The following THEMIS variants were observed in gnomAD, a reference collection of about 807,000 sequenced individuals.
THEMIS encodes protein THEMIS.
In THEMIS, 37 loss-of-function variants were observed where a neutral mutation model predicts 52.6. The ratio of observed to expected loss-of-function variants is 0.70; its 90% CI spans 0.54 to 0.93. THEMIS has a LOEUF of 0.93. Among genes scored for constraint, THEMIS ranks in the 40% least tolerant of loss-of-function variants. The pLI is 0.00. For missense variants in THEMIS, 808 were observed against 763.1 expected (o/e 1.06, Z -0.69); for synonymous variants, 292 against 272.7 (o/e 1.07, Z -0.70).
chr6:127,789,827 C>T (rs935990886), intron 4 of THEMIS, among the ~76,000 whole-genome samples: 2 of 152,128 alleles, frequency 1.3e-5, no homozygotes, highest in African/African-American at 4.8e-5. Context: ...AACTCAACAC[C>T]CCTTCATGCT....
intron 4 of THEMIS, among the ~76,000 whole-genome samples, chr6:127,764,437 A>G (rs560533059): frequency 1.2e-4 from 19 of 152,044 alleles, no homozygotes; most frequent in Non-Finnish European, 2.6e-4. Context: ...GCAGACTCCT[A>G]TAATCAATAA....
At chr6:127,861,820 GA>G (rs1004086529) in intron 1 of THEMIS, among the ~76,000 whole-genome samples, 8 of 132,228 alleles carry the variant, frequency 6.1e-5, no homozygotes, top group South Asian at 2.5e-4. Flanking sequence ...AGAAAGAAAA[GA>G]AAAAAAAGAA....
chr6:127,848,555 T>C (rs988186789), intron 2 of THEMIS, among the ~76,000 whole-genome samples: 5 of 151,718 alleles, frequency 3.3e-5, no homozygotes, highest in Non-Finnish European at 7.4e-5. Flanking sequence ...TGTAAAAGTG[T>C]TCCTATTTCT....
At chr6:127,792,352 G>T (rs904345794) in intron 4 of THEMIS, among the ~76,000 whole-genome samples, 3 of 152,190 alleles carry the variant, frequency 2.0e-5, no homozygotes, top group African/African-American at 4.8e-5. Flanking sequence ...AGACAGGACG[G>T]CCAAGACACT....
intron 5 of THEMIS, among the ~76,000 whole-genome samples, chr6:127,714,991 G>C (rs957458826): frequency 4.0e-5 from 6 of 151,856 alleles, no homozygotes; most frequent in Non-Finnish European, 7.4e-5. Context: ...AAGAAGAGGG[G>C]CCAGGTTGTC....
At chr6:127,751,483 A>G (rs1215897775) in intron 4 of THEMIS, among the ~76,000 whole-genome samples, 1 of 151,764 alleles carries the variant, frequency 6.6e-6, no homozygotes, top group Non-Finnish European at 1.5e-5. Context: ...GTAATCAAAG[A>G]AAGATATTCC....
rs528118371 is a variant in THEMIS, at chr6:127,849,602, C to T, written c.250+5428G>A. ...AAAAATAAAGCCACATACTTACAGT[C>T]AGGTGATCATCAACAAAGCATACAA... On this transcript the variant is annotated intron_variant, in intron 2 of 5. Coordinates refer to ENST00000368248, the MANE Select transcript of THEMIS (RefSeq NM_001010923.3). Among the ~76,000 whole-genome samples the T allele has an allele frequency of 2.6e-5, 4 of 151,942 alleles. No homozygotes were observed. The South Asian group carries it at 8.3e-4, about 32-fold the overall frequency.
chr6:127,734,490 T>G (rs909052946), intron 4 of THEMIS, among the ~76,000 whole-genome samples: 1 of 152,158 alleles, frequency 6.6e-6, no homozygotes, highest in Non-Finnish European at 1.5e-5. Flanking sequence ...TTGCTTTTTG[T>G]GTATTCTTGA....
At chr6:127,889,549 G>A (rs535735857) in intron 1 of THEMIS, among the ~76,000 whole-genome samples, 1 of 152,104 alleles carries the variant, frequency 6.6e-6, no homozygotes, top group African/African-American at 2.4e-5. Flanking sequence ...CAAGATATGA[G>A]GTTAAAGTGG....
chr6:127,848,024 C>T (rs1399255848), intron 2 of THEMIS, among the ~76,000 whole-genome samples: 1 of 150,458 alleles, frequency 6.6e-6, no homozygotes, highest in East Asian at 2.0e-4. Context: ...CCCATTAACT[C>T]GTCATTTAAC....
intron 4 of THEMIS, among the ~76,000 whole-genome samples, chr6:127,738,938 C>T (rs573477210): frequency 6.6e-6 from 1 of 152,268 alleles, no homozygotes; most frequent in East Asian, 1.9e-4. Flanking sequence ...TAGCCAATTA[C>T]CACAAACAGG....
chr6:127,770,779 C>T lies in THEMIS; in HGVS notation c.1758+42104G>A, dbSNP rs548492859. Among the ~76,000 whole-genome samples the T allele has an allele frequency of 2.6e-5, 4 of 152,234 alleles. No homozygotes were observed. The East Asian group carries it at 7.7e-4, about 29-fold the overall frequency. ...TCTAACATTTAAGTCTTTAATCCAT[C>T]TTGAATTAAATTTTGTATAAGGTAT... is the stretch of plus-strand genomic sequence containing the variant. On this transcript the variant is annotated intron_variant, in intron 4 of 5. Transcript: ENST00000368248.
At chr6:127,884,567 T>C (rs1780588169) in intron 1 of THEMIS, among the ~76,000 whole-genome samples, 1 of 151,908 alleles carries the variant, frequency 6.6e-6, no homozygotes, top group Non-Finnish European at 1.5e-5. Context: ...CAGAATATTC[T>C]ACCCAAAAGG....
chr6:127,808,521 A>G (rs1777795300), intron 4 of THEMIS, among the ~76,000 whole-genome samples: 1 of 152,214 alleles, frequency 6.6e-6, no homozygotes, highest in African/African-American at 2.4e-5. Context: ...TTATTTCTGC[A>G]TTATGTCATA....
chr6:127,823,164 C>T (rs1778397793), intron 3 of THEMIS, among the ~76,000 whole-genome samples: 1 of 152,022 alleles, frequency 6.6e-6, no homozygotes, highest in Non-Finnish European at 1.5e-5. Flanking sequence ...CCTCTGCTAG[C>T]TGCATGATAT....
chr6:127,824,301 T>C (rs1364682669), intron 3 of THEMIS, among the ~76,000 whole-genome samples: 2 of 152,070 alleles, frequency 1.3e-5, no homozygotes, highest in Non-Finnish European at 2.9e-5. Flanking sequence ...GGTGAGATCT[T>C]TAGCTCTGTC....
chr6:127,886,366 C>A (rs1229769063), intron 1 of THEMIS, among the ~76,000 whole-genome samples: 2 of 152,112 alleles, frequency 1.3e-5, no homozygotes, highest in Non-Finnish European at 2.9e-5. Context: ...TAAAACCATG[C>A]AGCAAAGGGT....
chr6:127,711,406 G>C (rs1045098262), intron 5 of THEMIS, among the ~76,000 whole-genome samples: 1 of 151,978 alleles, frequency 6.6e-6, no homozygotes, highest in Non-Finnish European at 1.5e-5. Flanking sequence ...AGAAAGAAGA[G>C]CGATTTCTCC....
chr6:127,771,634 G>C (rs1194563790), intron 4 of THEMIS, among the ~76,000 whole-genome samples: 2 of 152,082 alleles, frequency 1.3e-5, no homozygotes, highest in Non-Finnish European at 2.9e-5. Context: ...TCTGATCTTT[G>C]AAAAATTACC....
Sources: allele counts gnomAD v4.1 joint callset (sites outside exome capture counted in the v4.1 genomes callset), GRCh38; gene constraint gnomAD v4.1.1; transcripts MANE v1.5; gene names NCBI Gene and HGNC (gene_info 2026-07-23, HGNC 2026-07-21).